Variants in ZC3H11A observed in about 807,000 individuals in gnomAD.
ZC3H11A encodes the protein zinc finger CCCH-type containing 11A.
In ZC3H11A, 22 loss-of-function variants were observed where a neutral mutation model predicts 90.8. The ratio of observed to expected loss-of-function variants is 0.24; its 90% CI spans 0.17 to 0.35. ZC3H11A has a LOEUF of 0.35. ZC3H11A is among the 10% of genes least tolerant of loss of function. The pLI is 1.00. For missense variants in ZC3H11A, 701 were observed against 964.9 expected (o/e 0.73, Z 3.62); for synonymous variants, 294 against 339.8 (o/e 0.87, Z 1.48).
At chr1:203,849,660 A>C (rs1297887245) in intron 14 of ZC3H11A, 51 bp from the exon 15 acceptor site, 1 of 1,539,922 alleles carries the variant, frequency 6.5e-7, no homozygotes, top group East Asian at 2.2e-5. Flanking sequence ...TACATCATAC[A>C]GGTTATTAGA....
intron 2 of ZC3H11A, 33 bp downstream of exon 2, chr1:203,803,049 A>G (rs953938906): frequency 2.0e-5 from 3 of 152,748 alleles, no homozygotes; most frequent in East Asian, 3.9e-4. Context: ...TTCGCATGAA[A>G]GGAGTGAACA....
At chr1:203,825,387 T>TGTGAA (rs974212523) in intron 4 of ZC3H11A, among the ~76,000 whole-genome samples, 2 of 150,292 alleles carry the variant, frequency 1.3e-5, no homozygotes, top group African/African-American at 4.9e-5. Flanking sequence ...CTGTTAAAAA[T>TGTGAA]GTGAAGACAT....
intron 2 of ZC3H11A, chr1:203,815,061 C>T (rs954167605): frequency 2.0e-5 from 3 of 151,832 alleles, no homozygotes; most frequent in Non-Finnish European, 4.4e-5. Flanking sequence ...AACTCCTGAC[C>T]TCAAGTGATC....
At chr1:203,829,998 C>A in intron 7 of ZC3H11A, 102 bp downstream of exon 7, 1 of 1,312,870 alleles carries the variant, frequency 7.6e-7, no homozygotes, top group Non-Finnish European at 1.1e-6. Flanking sequence ...CCATGCTACA[C>A]GCATACTTAC....
At chr1:203,812,410 A>G (rs1674789611) in intron 2 of ZC3H11A, among the ~76,000 whole-genome samples, 1 of 152,092 alleles carries the variant, frequency 6.6e-6, no homozygotes, top group Non-Finnish European at 1.5e-5. Context: ...TTTGCTAAGG[A>G]TAATAGCCTC....
At chr1:203,840,226 A>G in intron 11 of ZC3H11A, 80 bp from the exon 12 acceptor site, 1 of 1,416,660 alleles carries the variant, frequency 7.1e-7, no homozygotes, top group Non-Finnish European at 9.9e-7. Flanking sequence ...GGTGTATGCC[A>G]CCATGCCCAG....
chr1:203,817,213 T>TTA (rs1043148750), intron 3 of ZC3H11A, 89 bp downstream of exon 3: 2 of 1,122,150 alleles, frequency 1.8e-6, no homozygotes, highest in Non-Finnish European at 2.5e-6. Context: ...GTTGTTTTTA[T>TTA]TATATATATA....
At chr1:203,828,250 A>T in intron 4 of ZC3H11A, 49 bp from the exon 5 acceptor site, 1 of 1,610,098 alleles carries the variant, frequency 6.2e-7, no homozygotes, top group South Asian at 1.1e-5. Flanking sequence ...CCACATGAAT[A>T]TACGTATCAC....
At chr1:203,799,084 A>AG in intron 1 of ZC3H11A, 1 of 1,536,118 alleles carries the variant, frequency 6.5e-7, no homozygotes, top group South Asian at 1.2e-5. Context: ...GATTTTAGAA[A>AG]GTGGGCAGTG....
intron 12 of ZC3H11A, among the ~76,000 whole-genome samples, chr1:203,841,855 C>T (rs189709785): frequency 0.019 from 2,692 of 138,942 alleles, 72 homozygotes; most frequent in African/African-American, 0.06. Context: ...GGGCGGCTGC[C>T]GGGCGGAGGG....
At chr1:203,833,513 A>C (rs1161745223) in intron 9 of ZC3H11A, among the ~76,000 whole-genome samples, 1 of 151,940 alleles carries the variant, frequency 6.6e-6, no homozygotes, top group African/African-American at 2.4e-5. Context: ...CCTGAGTGAC[A>C]GAGCAAGAGT....
intron 12 of ZC3H11A, 114 bp from the exon 13 acceptor site, chr1:203,847,070 C>A: frequency 8.8e-7 from 1 of 1,132,600 alleles, no homozygotes; most frequent in Non-Finnish European, 1.3e-6. Flanking sequence ...CTTTTAATTG[C>A]CTGCTTAAAT....
At chr1:203,797,257 A>C (rs2102341384) in intron 1 of ZC3H11A, 1 of 257,410 alleles carries the variant, frequency 3.9e-6, no homozygotes, top group Non-Finnish European at 7.4e-6. Flanking sequence ...CTTCTGTAAC[A>C]TGAGGACACT....
chr1:203,798,708 G>A lies in ZC3H11A; in HGVS notation c.-1587-2867G>A, dbSNP rs1289889231. The A allele has an allele frequency of 7.8e-6, 12 of 1,536,104 alleles. No homozygotes were observed. The South Asian group carries it at 1.3e-4, about 17-fold the overall frequency. ...GCAAGGCACTCTGATGCGTGCGCAG[G>A]AGAGAGAAACAACATGTTGTGGAAA... is the stretch of plus-strand genomic sequence containing the variant. On this transcript the variant is annotated intron_variant, in intron 1 of 17. Coordinates refer to ENST00000367210, the MANE Select transcript of ZC3H11A (RefSeq NM_001376342.1).
intron 1 of ZC3H11A, chr1:203,798,882 A>G (rs1444409386): frequency 6.5e-7 from 1 of 1,536,062 alleles, no homozygotes. Flanking sequence ...TTACTTTTTC[A>G]CTAAGGCTGT....
chr1:203,850,477 A>T (rs187307997), intron 15 of ZC3H11A, 38 bp from the exon 16 acceptor site: 2 of 1,611,900 alleles, frequency 1.2e-6, no homozygotes, highest in East Asian at 2.2e-5. Context: ...AAAAGAGTCT[A>T]TTCTCACTGC....
At position 203,802,255 on chromosome 1, in the gene ZC3H11A, T is replaced by A. The variant is rs546416595; in HGVS notation, c.-907T>A. On this transcript the variant is annotated 5_prime_UTR_variant, in exon 2 of 18. It introduces an in-frame stop codon into an upstream open reading frame of the 5' UTR. Transcript: ENST00000367210. ...ACATAATGATATATGTGTAAGGATT[T>A]ACCTTCGTCTTTATTTTGTGGGCTG... is the stretch of plus-strand genomic sequence containing the variant. The A allele has an allele frequency of 2.6e-5, 4 of 152,746 alleles. No homozygotes were observed. The highest frequency in any genetic ancestry group is 2.1e-4 in the South Asian group (1 of 4,828). 9.5% of individuals were successfully genotyped at this position (152,746 alleles called of 1,614,324 possible).
rs1688846504 is a variant in ZC3H11A, at chr1:203,849,883, C to T, written c.1796C>T (p.Thr599Ile). 1 of 1,614,002 alleles carries T rather than the reference C, an allele frequency of 6.2e-7. No individual in the cohort carries two copies. Among genetic ancestry groups the T allele is most frequent in the African/African-American group, 1.3e-5 (1 of 74,896 alleles). The change falls in exon 15 of 18, where the codon ACT becomes ATT. Residue 599 changes from threonine (T) to isoleucine (I), a missense_variant. Thr to Ile is a moderately conservative substitution (Grantham distance 89). This residue lies in a region of ZC3H11A where 530 missense variants were observed against 696.2 expected (regional missense o/e 0.76). Coordinates refer to ENST00000367210, the MANE Select transcript of ZC3H11A (RefSeq NM_001376342.1). ...CAAGTGGCAGAGAAACCAGTGCTCACTGCTGTGCCAGGAATCACACGGCAC... is the reference window on the plus strand; with the variant it reads ...CAAGTGGCAGAGAAACCAGTGCTCATTGCTGTGCCAGGAATCACACGGCAC... ...NTQVAEKPVL[T>I]AVPGITRHLT...
At chr1:203,819,511 C>T (rs990979999) in intron 4 of ZC3H11A, among the ~76,000 whole-genome samples, 7 of 148,512 alleles carry the variant, frequency 4.7e-5, no homozygotes, top group African/African-American at 9.9e-5. Flanking sequence ...CGTGAGCCAC[C>T]GTGCCCAGCT....
Sources: allele counts gnomAD v4.1 joint callset (sites outside exome capture counted in the v4.1 genomes callset), GRCh38; gene constraint gnomAD v4.1.1; regional missense constraint gnomAD v4.1.1; transcripts MANE v1.5; gene names NCBI Gene and HGNC (gene_info 2026-07-23, HGNC 2026-07-21).